Variants in RAB22A observed in about 807,000 individuals in gnomAD.
RAB22A encodes RAB22A, member RAS oncogene family.
In RAB22A, 13 loss-of-function variants were observed where a neutral mutation model predicts 30.2. That is an observed-to-expected ratio of 0.43 (90% CI 0.28 to 0.68). The LOEUF (loss-of-function observed/expected upper bound fraction) is 0.68, where lower values mean the gene tolerates loss of function less well. RAB22A is among the 30% of genes least tolerant of loss of function. The probability of loss-of-function intolerance (pLI) is 0.18; values close to 1 mark genes in which losing one functional copy is unlikely to be tolerated. For synonymous variants in RAB22A, 89 were observed against 87.2 expected (o/e 1.02, Z -0.11); for missense variants, 177 against 246.8 (o/e 0.72, Z 1.89).
chr20:58,349,524 A>C (rs560426255), intron 3 of RAB22A, among the ~76,000 whole-genome samples: 1 of 152,374 alleles, frequency 6.6e-6, no homozygotes, highest in Admixed American at 6.5e-5. Context: ...AAAATGCAAC[A>C]GAAACCAGTA....
At chr20:58,340,741 G>A (rs74860618) in intron 2 of RAB22A, among the ~76,000 whole-genome samples, 2,313 of 152,330 alleles carry the variant, frequency 0.015, 25 homozygotes, top group Non-Finnish European at 0.02. Context: ...CTCAGATGTT[G>A]TGAAAGCTGC....
rs1986290041 is a variant in RAB22A at position 58,314,220 on chromosome 20, A to G, written c.116+3098A>G. ...CACATTTGGGAATCTGCCCGCCACA[A>G]TGCCAAGCTAATTTTTGTATTTTGA... On this transcript the variant is annotated intron_variant, in intron 2 of 6. Transcript: ENST00000244040. Among the ~76,000 whole-genome samples the G allele has an allele frequency of 2.0e-5, 3 of 152,084 alleles. No homozygotes were observed. The South Asian group carries it at 6.2e-4, about 31-fold the overall frequency.
intron 2 of RAB22A, among the ~76,000 whole-genome samples, chr20:58,319,693 T>C (rs1326663636): frequency 6.6e-6 from 1 of 152,222 alleles, no homozygotes; most frequent in East Asian, 1.9e-4. Context: ...ACATGATATA[T>C]TCACCGTTAA....
At position 58,359,662 on chromosome 20, in the gene RAB22A, C is replaced by A; in HGVS notation, c.544C>A (p.Leu182Ile). 6.2e-7 allele frequency: 1 copy of A among 1,613,156 alleles called. No individual in the cohort carries two copies. The highest frequency in any genetic ancestry group is 8.5e-7 in the Non-Finnish European group (1 of 1,179,228). Residue 182 changes from leucine (L) to isoleucine (I), a missense_variant, in exon 7 of 7, where the codon CTC becomes ATC. Leu to Ile is a conservative substitution (Grantham distance 5). Coordinates refer to ENST00000244040, the MANE Select transcript of RAB22A (RefSeq NM_020673.3). ...NLPSGGKGFK[L>I]RRQPSEPKRS... ...GCCATCTGGCGGTAAGGGCTTCAAA[C>A]TCCGAAGACAGCCTTCAGAGCCAAA...
At chr20:58,346,793 T>C (rs139180995) in intron 3 of RAB22A, among the ~76,000 whole-genome samples, 8 of 152,348 alleles carry the variant, frequency 5.3e-5, no homozygotes, top group Non-Finnish European at 1.2e-4. Flanking sequence ...ATTGGTTGGT[T>C]GGATGAATCA....
chr20:58,343,596 A>T, intron 2 of RAB22A, 122 bp from the exon 3 acceptor site: 1 of 689,698 alleles, frequency 1.4e-6, no homozygotes, highest in Non-Finnish European at 2.5e-6. Context: ...AGAGGAACAC[A>T]ATTAGGATAC....
intron 2 of RAB22A, among the ~76,000 whole-genome samples, chr20:58,335,727 A>G (rs1209537205): frequency 6.6e-6 from 1 of 152,228 alleles, no homozygotes; most frequent in East Asian, 1.9e-4. Context: ...ATATTGAAAC[A>G]TATGACTGTA....
intron 3 of RAB22A, among the ~76,000 whole-genome samples, chr20:58,346,375 G>C (rs541218377): frequency 6.6e-6 from 1 of 152,276 alleles, no homozygotes; most frequent in East Asian, 1.9e-4. Context: ...AGCCCCACGT[G>C]ACTTGCCCAG....
intron 6 of RAB22A, among the ~76,000 whole-genome samples, chr20:58,356,453 A>G (rs1987131066): frequency 6.6e-6 from 1 of 152,258 alleles, no homozygotes; most frequent in African/African-American, 2.4e-5. Flanking sequence ...AGAGATGTAC[A>G]TAGACTTTCT....
At chr20:58,336,623 T>C (rs1662237402) in intron 2 of RAB22A, among the ~76,000 whole-genome samples, 1 of 152,254 alleles carries the variant, frequency 6.6e-6, no homozygotes, top group African/African-American at 2.4e-5. Context: ...GAGAGTGATT[T>C]TTTGAAATAT....
chr20:58,310,602 T>G (rs1986205471), intron 1 of RAB22A, among the ~76,000 whole-genome samples: 1 of 152,236 alleles, frequency 6.6e-6, no homozygotes, highest in Non-Finnish European at 1.5e-5. Flanking sequence ...TTTCAAAGCC[T>G]TCTTTCTGAA....
intron 3 of RAB22A, among the ~76,000 whole-genome samples, chr20:58,347,473 C>T (rs1172867378): frequency 1.3e-5 from 2 of 152,120 alleles, no homozygotes; most frequent in African/African-American, 4.8e-5. Flanking sequence ...ATGAAGCCCT[C>T]AAATATTTTT....
intron 2 of RAB22A, among the ~76,000 whole-genome samples, chr20:58,324,022 A>G (rs1986509603): frequency 6.6e-6 from 1 of 152,168 alleles, no homozygotes; most frequent in South Asian, 2.1e-4. Context: ...ATGTTTATAA[A>G]TGGAGACTAT....
chr20:58,322,093 G>A (rs1043523618), intron 2 of RAB22A, among the ~76,000 whole-genome samples: 3 of 152,112 alleles, frequency 2.0e-5, no homozygotes, highest in Non-Finnish European at 2.9e-5. Flanking sequence ...CCACCTCACC[G>A]GGCGTCATTG....
At chr20:58,318,905 A>C (rs1465652639) in intron 2 of RAB22A, among the ~76,000 whole-genome samples, 2 of 152,238 alleles carry the variant, frequency 1.3e-5, no homozygotes, top group African/African-American at 2.4e-5. Flanking sequence ...ACATTTGGGA[A>C]TCCTCCTTGG....
intron 2 of RAB22A, among the ~76,000 whole-genome samples, chr20:58,327,309 T>C (rs187401621): frequency 3.4e-4 from 52 of 152,372 alleles, no homozygotes; most frequent in Middle Eastern, 6.8e-3. Flanking sequence ...TCACATTTTC[T>C]GTGTATCAGG....
chr20:58,316,059 T>A (rs11906668), intron 2 of RAB22A, among the ~76,000 whole-genome samples: 4,537 of 152,150 alleles, frequency 0.03, 241 homozygotes, highest in African/African-American at 0.1. Flanking sequence ...CACATGCTAT[T>A]CTCTCTCAGG....
intron 2 of RAB22A, among the ~76,000 whole-genome samples, chr20:58,342,392 A>T (rs1207928205): frequency 6.6e-6 from 1 of 152,224 alleles, no homozygotes; most frequent in Non-Finnish European, 1.5e-5. Context: ...GCATAAATTT[A>T]TATAAATATT....
At chr20:58,356,053 A>G (rs571703518) in intron 6 of RAB22A, among the ~76,000 whole-genome samples, 2 of 152,322 alleles carry the variant, frequency 1.3e-5, no homozygotes, top group East Asian at 1.9e-4. Context: ...GCTCACACCT[A>G]TAATCCCAGC....
Sources: gnomAD v4.1 joint callset for allele counts (sites outside exome capture counted in the v4.1 genomes callset) on GRCh38, gnomAD v4.1.1 for gene constraint, MANE v1.5 for transcripts, NCBI Gene and HGNC (gene_info 2026-07-23, HGNC 2026-07-21) for gene names.